ENTREP2: variants seen among roughly 807,000 people sequenced by gnomAD.
The protein encoded by ENTREP2 is endosomal transmembrane epsin interactor 2, also known as protein ENTREP2.
the ENTREP2 span, among the ~76,000 whole-genome samples, chr15:29,307,593 C>T: frequency 6.6e-6 from 1 of 152,164 alleles, no homozygotes; most frequent in African/African-American, 2.4e-5. Context: ...TATGTTGAAG[C>T]CTTAACCACC....
chr15:29,223,582 G>A, the ENTREP2 span, among the ~76,000 whole-genome samples: 1 of 152,182 alleles, frequency 6.6e-6, no homozygotes. Flanking sequence ...CTAAAAATGA[G>A]CTATAAATCC....
At chr15:29,219,215 T>A in the ENTREP2 span, among the ~76,000 whole-genome samples, 4 of 151,946 alleles carry the variant, frequency 2.6e-5, no homozygotes, top group African/African-American at 9.7e-5. Flanking sequence ...GAAAAAATGC[T>A]CAACATCATT....
chr15:29,408,866 T>C, the ENTREP2 span, among the ~76,000 whole-genome samples: 1 of 152,190 alleles, frequency 6.6e-6, no homozygotes, highest in Non-Finnish European at 1.5e-5. Flanking sequence ...CTCTTTTTCT[T>C]TGCTTTTCAA....
the ENTREP2 span, among the ~76,000 whole-genome samples, chr15:29,664,697 G>T: frequency 1.3e-5 from 2 of 152,182 alleles, no homozygotes; most frequent in South Asian, 2.1e-4. Context: ...ATAACAGCCT[G>T]CATTGACTGG....
At chr15:29,665,478 T>C in the ENTREP2 span, among the ~76,000 whole-genome samples, 5 of 152,222 alleles carry the variant, frequency 3.3e-5, no homozygotes, top group Non-Finnish European at 4.4e-5. Flanking sequence ...ACCACTTGTT[T>C]TCTTGCTGGT....
the ENTREP2 span, among the ~76,000 whole-genome samples, chr15:29,258,318 TA>T: frequency 6.6e-6 from 1 of 151,584 alleles, no homozygotes. Flanking sequence ...GATATGTAAA[TA>T]AACTGGCCTG....
chr15:29,259,077 TAAAG>T, the ENTREP2 span, among the ~76,000 whole-genome samples: 1 of 152,210 alleles, frequency 6.6e-6, no homozygotes, highest in African/African-American at 2.4e-5. Context: ...GATAATCTGA[TAAAG>T]AAAGAGGTTG....
At chr15:29,504,580 C>T in the ENTREP2 span, among the ~76,000 whole-genome samples, 16 of 152,164 alleles carry the variant, frequency 1.1e-4, no homozygotes, top group African/African-American at 3.1e-4. Flanking sequence ...AGAACTGAAG[C>T]GTGTGTTTCC....
the ENTREP2 span, among the ~76,000 whole-genome samples, chr15:29,547,142 C>T: frequency 6.7e-6 from 1 of 150,090 alleles, no homozygotes; most frequent in Non-Finnish European, 1.5e-5. Flanking sequence ...GGCTGGAGTG[C>T]AGTGGCGCAA....
At chr15:29,499,393 G>T in the ENTREP2 span, among the ~76,000 whole-genome samples, 16 of 152,118 alleles carry the variant, frequency 1.1e-4, no homozygotes, top group African/African-American at 3.9e-4. Context: ...AAACTTGTTT[G>T]TTTGTTTTGA....
At chr15:29,587,701 C>T in the ENTREP2 span, among the ~76,000 whole-genome samples, 5 of 152,042 alleles carry the variant, frequency 3.3e-5, no homozygotes, top group Non-Finnish European at 5.9e-5. Flanking sequence ...GCTCTGTCAC[C>T]CAGGCTGGAG....
At chr15:29,263,885 G>A in the ENTREP2 span, among the ~76,000 whole-genome samples, 16 of 152,106 alleles carry the variant, frequency 1.1e-4, no homozygotes, top group African/African-American at 2.7e-4. Context: ...CTGGGTGGGC[G>A]CGGTGGCTCA....
At chr15:29,222,318 T>A in the ENTREP2 span, among the ~76,000 whole-genome samples, 2 of 152,162 alleles carry the variant, frequency 1.3e-5, no homozygotes, top group African/African-American at 2.4e-5. Flanking sequence ...AGAAAAGGCA[T>A]GAATAATCCT....
At chr15:29,533,600 C>T in the ENTREP2 span, among the ~76,000 whole-genome samples, 3 of 152,052 alleles carry the variant, frequency 2.0e-5, no homozygotes, top group East Asian at 1.9e-4. Flanking sequence ...ATTTGGCAAA[C>T]GGTCCATGAT....
the ENTREP2 span, among the ~76,000 whole-genome samples, chr15:29,258,405 A>T: frequency 6.6e-6 from 1 of 152,120 alleles, no homozygotes; most frequent in Non-Finnish European, 1.5e-5. Context: ...AGCCAACAAG[A>T]GACTACCCTG....
the ENTREP2 span, among the ~76,000 whole-genome samples, chr15:29,671,123 C>A: frequency 2.0e-5 from 3 of 152,192 alleles, no homozygotes; most frequent in African/African-American, 4.8e-5. Context: ...CCTAAACATT[C>A]CTGAACAACG....
chr15:29,635,220 G>C, the ENTREP2 span, among the ~76,000 whole-genome samples: 4 of 152,246 alleles, frequency 2.6e-5, no homozygotes, highest in East Asian at 7.8e-4. Context: ...CCACGTTGGG[G>C]GGTTGGGCTG....
At chr15:29,269,360 T>C in the ENTREP2 span, 2 of 1,614,188 alleles carry the variant, frequency 1.2e-6, no homozygotes, top group South Asian at 1.1e-5. Flanking sequence ...TAGTCCCCGA[T>C]GACGTGCTTC....
At chr15:29,255,919 T>C in the ENTREP2 span, among the ~76,000 whole-genome samples, 2 of 148,952 alleles carry the variant, frequency 1.3e-5, no homozygotes, top group South Asian at 4.2e-4. Flanking sequence ...GAGAATAGCA[T>C]GAACCCGGGA....
Sources: gnomAD v4.1 joint callset for allele counts (sites outside exome capture counted in the v4.1 genomes callset) on GRCh38, gnomAD v4.1.1 for gene constraint, MANE v1.5 for transcripts, NCBI Gene and HGNC (gene_info 2026-07-23, HGNC 2026-07-21) for gene names.